GIP: variants seen among roughly 807,000 people sequenced by gnomAD.
GIP encodes gastric inhibitory polypeptide.
In GIP, 16 loss-of-function variants were observed where a neutral mutation model predicts 18.1. That is an observed-to-expected ratio of 0.88 (90% CI 0.60 to 1.34). The LOEUF (loss-of-function observed/expected upper bound fraction) is 1.34. Among genes scored for constraint, GIP ranks in the 40% most tolerant of loss-of-function variants. GIP has a pLI of 0.00. For missense variants in GIP, 192 were observed against 183.4 expected, an observed-to-expected ratio of 1.05 and a Z score of -0.27; for synonymous variants, 76 against 74.0, an observed-to-expected ratio of 1.03 and a Z score of -0.14.
chr17:48,964,402 C>T lies in GIP; in HGVS notation c.165G>A (p.Gly55=), dbSNP rs1193644712. Residue 55 remains glycine, a synonymous_variant, in exon 3 of 6, where the codon GGG becomes GGA. Coordinates refer to ENST00000357424, the MANE Select transcript of GIP (RefSeq NM_004123.3). ...CAATACTGTAGTCACTGATGAAAGT[C>T]CCTTCCGCGTACCTGGGGCCTCGAG... is the stretch of plus-strand genomic sequence containing the variant. ...PQPRGPRYAE[G]TFISDYSIAM... is the part of the protein sequence containing the mutation. 9 of 1,613,752 alleles carry T rather than the reference C, an allele frequency of 5.6e-6. No individual in the cohort carries two copies. The South Asian group carries it at 8.8e-5, about 16-fold the overall frequency.
intron 2 of GIP, among the ~76,000 whole-genome samples, 163 bp downstream of exon 2, chr17:48,966,984 C>T (rs1422290138): frequency 1.3e-5 from 2 of 152,160 alleles, no homozygotes; most frequent in Non-Finnish European, 2.9e-5. Context: ...CTCTCTGGCT[C>T]AGTGCTCACT....
Position 48,967,188 on chromosome 17 carries a change from G to A in GIP, c.45C>T (p.Phe15=), listed in dbSNP as rs1466121375. 8 of 1,613,752 alleles carry A rather than the reference G, an allele frequency of 5.0e-6. No homozygotes were observed. The highest frequency in any genetic ancestry group is 1.3e-5 in the African/African-American group (1 of 74,846). Residue 15 remains phenylalanine (F), a synonymous_variant, in exon 2 of 6, where the codon TTC becomes TTT. Coordinates refer to ENST00000357424, the MANE Select transcript of GIP (RefSeq NM_004123.3). ...TCTTCTCTCCTAGTCCCACTGCCAG[G>A]AACAGGGACAGCAGCAGCAGAGCAA... ...KTFALLLLSL[F]LAVGLGEKKE... is the part of the protein sequence containing the mutation.
chr17:48,962,678 T>G (rs2041207207), intron 3 of GIP, among the ~76,000 whole-genome samples: 1 of 152,058 alleles, frequency 6.6e-6, no homozygotes, highest in Non-Finnish European at 1.5e-5. Flanking sequence ...TAGCCAATCC[T>G]GTTTTCAAAG....
At chr17:48,965,003 G>T (rs2041227474) in intron 2 of GIP, among the ~76,000 whole-genome samples, 1 of 151,786 alleles carries the variant, frequency 6.6e-6, no homozygotes, top group Non-Finnish European at 1.5e-5. Context: ...GCCAGGCATG[G>T]TGGTGGGCGC....
In GIP at chr17:48,964,424, C is replaced by T. The variant is rs2041222157; in HGVS notation, c.143G>A (p.Arg48Gln). ...AGTCCCTTCCGCGTACCTGGGGCCT[C>T]GAGGTTGAGGGCTGCTCACCTTAGC... The part of the protein sequence containing the change: ...SHAKVSSPQP[R>Q]GPRYAEGTFI... The change falls in exon 3 of 6, where the codon CGA becomes CAA. Residue 48 changes from arginine (R) to glutamine (Q), a missense_variant. Transcript: ENST00000357424. 6 of 1,613,948 alleles carry T rather than the reference C, an allele frequency of 3.7e-6. No homozygotes were observed. The highest frequency in any genetic ancestry group is 5.1e-6 in the Non-Finnish European group (6 of 1,179,960).
intron 3 of GIP, among the ~76,000 whole-genome samples, chr17:48,963,088 CAG>C (rs2041210063): frequency 2.1e-4 from 1 of 4,740 alleles, no homozygotes; most frequent in South Asian, 0.25. Flanking sequence ...GCCTGGGTGA[CAG>C]AGCAAAAAAA....
intron 5 of GIP, 35 bp downstream of exon 5, chr17:48,960,851 A>G: frequency 1.5e-6 from 2 of 1,304,966 alleles, no homozygotes; most frequent in Non-Finnish European, 2.2e-6. Flanking sequence ...CCCAAGCTCA[A>G]GTTAGAACCG....
At position 48,964,367 on chromosome 17, in the gene GIP, T is replaced by G; in HGVS notation, c.200A>C (p.Lys67Thr). 1 of 1,613,890 alleles carries G rather than the reference T, an allele frequency of 6.2e-7. No homozygotes were observed. Among genetic ancestry groups the G allele is most frequent in the South Asian group, 1.1e-5 (1 of 91,076 alleles). ...FISDYSIAMD[K>T]IHQQDFVNWL... ...GTTCACAAAGTCTTGTTGGTGAATC[T>G]TGTCCATGGCAATACTGTAGTCACT... The change falls in exon 3 of 6, where the codon AAG (lysine) becomes ACG (threonine). Residue 67 changes from lysine to threonine, a missense_variant. Lys to Thr is a moderately conservative substitution (Grantham distance 78). Transcript: ENST00000357424.
intron 4 of GIP, 129 bp from the exon 5 acceptor site, chr17:48,961,116 C>A: frequency 1.6e-6 from 1 of 608,040 alleles, no homozygotes; most frequent in Non-Finnish European, 2.9e-6. Context: ...GCTATCTCTC[C>A]GTTGGCTCAG....
chr17:48,962,476 C>T (rs1242269889), intron 3 of GIP, among the ~76,000 whole-genome samples: 1 of 150,130 alleles, frequency 6.7e-6, no homozygotes, highest in African/African-American at 2.5e-5. Context: ...TCAAGCAATT[C>T]TCATGCCTCA....
chr17:48,961,632 T>C, intron 4 of GIP, 95 bp downstream of exon 4: 1 of 754,450 alleles, frequency 1.3e-6, no homozygotes, highest in South Asian at 1.5e-5. Context: ...TTATCTCAGG[T>C]CCTTGCTCTG....
intron 2 of GIP, among the ~76,000 whole-genome samples, chr17:48,965,148 A>AAAAAAAAAAAAAAAAT (rs2041228726): frequency 7.0e-6 from 1 of 143,752 alleles, no homozygotes; most frequent in African/African-American, 2.7e-5. Context: ...CAAAAAAAAA[A>AAAAAAAAAAAAAAAAT]AAATTAGCCA....
Position 48,965,138 on chromosome 17 carries a change from C to CAAAAAAAAAAAAAAAAAAAAAAAAAAAA in GIP, c.87-659_87-658insTTTTTTTTTTTTTTTTTTTTTTTTTTTT, listed in dbSNP as rs33956589. 1.8e-4 allele frequency among the ~76,000 whole-genome samples: 20 copies of CAAAAAAAAAAAAAAAAAAAAAAAAAAAA among 109,618 alleles called. 2 individuals carry two copies. Among genetic ancestry groups the CAAAAAAAAAAAAAAAAAAAAAAAAAAAA allele is most frequent in the African/African-American group, 5.2e-4 (11 of 21,132 alleles). 71.9% of individuals were successfully genotyped at this position (109,618 alleles called of 152,430 possible). A position where few individuals can be genotyped will look rare whatever the true frequency, so the allele number is the denominator to read the frequency against. Reference sequence around the variant, plus strand: ...TGGGAGACAGAGCGAGACTCCGTCTCAAAAAAAAAAAAATTAGCCAGGCGT... The same window carrying CAAAAAAAAAAAAAAAAAAAAAAAAAAAA: ...TGGGAGACAGAGCGAGACTCCGTCTCAAAAAAAAAAAAAAAAAAAAAAAAAAAAAAAAAAAAAAAAATTAGCCAGGCGT... On this transcript the variant is annotated intron_variant, in intron 2 of 5. Transcript: ENST00000357424.
intron 3 of GIP, 51 bp downstream of exon 3, chr17:48,964,259 G>A: frequency 6.7e-7 from 1 of 1,485,366 alleles, no homozygotes. Context: ...TCTGAAGGTA[G>A]GAAGGCAGAG....
intron 2 of GIP, 124 bp downstream of exon 2, chr17:48,967,023 C>A: frequency 1.4e-6 from 1 of 703,602 alleles, no homozygotes; most frequent in East Asian, 2.6e-5. Context: ...CAGGTATTTC[C>A]CTGGAGCTTC....
chr17:48,964,164 A>C lies in GIP; in HGVS notation c.257+146T>G, dbSNP rs2041219419. ...GAAAGAGTGAGACTCCATCTCAAAAAAAAAAAAAAAAAAGAAAAGAAAAAG... is the reference window on the plus strand; with the variant it reads ...GAAAGAGTGAGACTCCATCTCAAAACAAAAAAAAAAAAAGAAAAGAAAAAG... On this transcript the variant is annotated intron_variant, in intron 3 of 5. Transcript: ENST00000357424. The C allele has an allele frequency of 2.1e-5, 10 of 468,498 alleles. No homozygotes were observed. The South Asian group carries it at 3.4e-4, about 16-fold the overall frequency. The allele number at this position is 468,498 out of a possible 1,614,324, so 29.0% of individuals were successfully genotyped here. A position where few individuals can be genotyped will look rare whatever the true frequency, so the allele number is the denominator to read the frequency against.
intron 3 of GIP, among the ~76,000 whole-genome samples, chr17:48,963,862 A>AAAAAAAAG (rs1168878456): frequency 0.016 from 2,215 of 135,994 alleles, 104 homozygotes; most frequent in South Asian, 0.035. Flanking sequence ...AAAAAAAAAA[A>AAAAAAAAG]AGAGAGAGAG....
Position 48,961,146 on chromosome 17 carries a change from C to G in GIP, c.351-159G>C, listed in dbSNP as rs541135570. On this transcript the variant is annotated intron_variant, in intron 4 of 5. Transcript: ENST00000357424. ...GCTCAGCTCTGAGATCTGGAGCCTC[C>G]TTTCTGCCAGCCCCACCCAGCGCTG... 1.8e-4 allele frequency among the ~76,000 whole-genome samples: 28 copies of G among 152,296 alleles called. No individual in the cohort carries two copies. The South Asian group carries it at 5.2e-3, about 28-fold the overall frequency.
chr17:48,966,636 A>G (rs144716702), intron 2 of GIP, among the ~76,000 whole-genome samples: 1 of 151,798 alleles, frequency 6.6e-6, no homozygotes, highest in African/African-American at 2.4e-5. Context: ...GCGAAACCTC[A>G]TCTCTACAAA....
Sources: allele counts gnomAD v4.1 joint callset (sites outside exome capture counted in the v4.1 genomes callset), GRCh38; gene constraint gnomAD v4.1.1; transcripts MANE v1.5; gene names NCBI Gene and HGNC (gene_info 2026-07-23, HGNC 2026-07-21).